Variants in NBAS observed in about 807,000 individuals in gnomAD.
The protein encoded by NBAS is NBAS subunit of NRZ tethering complex, also known as NAG/BC035112 fusion.
A neutral mutation model predicts 302.5 loss-of-function variants in NBAS; 219 were observed. The observed-to-expected ratio is 0.72, with a 90% CI of 0.65 to 0.81. NBAS has a LOEUF of 0.81. NBAS is among the 30% of genes least tolerant of loss of function. The pLI, the probability that NBAS is intolerant of heterozygous loss-of-function variation, is 0.00. For synonymous variants in NBAS, 1,118 were observed against 1,021.6 expected, an observed-to-expected ratio of 1.09 and a Z score of -1.80; for missense variants, 2,932 against 2,841.6, an observed-to-expected ratio of 1.03 and a Z score of -0.72.
chr2:15,168,859 C>T (rs1664156612), intron 51 of NBAS, among the ~76,000 whole-genome samples: 1 of 152,196 alleles, frequency 6.6e-6, no homozygotes, highest in African/African-American at 2.4e-5. Flanking sequence ...GAACTCCTGA[C>T]CTCAGGTGAT....
the NBAS span, among the ~76,000 whole-genome samples, chr2:15,075,161 T>G: frequency 0.4 from 60,367 of 152,060 alleles, 14,944 homozygotes; most frequent in African/African-American, 0.71. Context: ...TAACCTAAAT[T>G]ATTTTTGGTA....
At chr2:14,878,621 T>C in the NBAS span, among the ~76,000 whole-genome samples, 1 of 152,134 alleles carries the variant, frequency 6.6e-6, no homozygotes, top group Admixed American at 6.6e-5. Context: ...TACTCACTGT[T>C]TTTATTTTAT....
chr2:15,403,864 CGTGTGTGTGTGTGTGTGT>C (rs10624311), intron 25 of NBAS, among the ~76,000 whole-genome samples: 2 of 135,412 alleles, frequency 1.5e-5, no homozygotes, highest in Middle Eastern at 3.5e-3. Context: ...TTCCTTCCTT[CGTGTGTGTGTGTGTGTGT>C]GTGTGTGTGT....
chr2:15,177,221 A>G (rs1299982645), intron 51 of NBAS, among the ~76,000 whole-genome samples: 1 of 152,222 alleles, frequency 6.6e-6, no homozygotes, highest in African/African-American at 2.4e-5. Context: ...TTTCAAAACC[A>G]CAGGCTTAGC....
intron 21 of NBAS, among the ~76,000 whole-genome samples, chr2:15,454,113 CAG>C (rs1445321212): frequency 6.6e-6 from 1 of 152,144 alleles, no homozygotes; most frequent in Non-Finnish European, 1.5e-5. Context: ...GAAGAATCAA[CAG>C]AGATTCCATC....
the NBAS span, among the ~76,000 whole-genome samples, chr2:14,923,129 G>A: frequency 6.6e-6 from 1 of 152,182 alleles, no homozygotes; most frequent in African/African-American, 2.4e-5. Flanking sequence ...TCTAGTCTGG[G>A]TGACAGAGCG....
chr2:15,331,861 A>G (rs770626501), intron 35 of NBAS, among the ~76,000 whole-genome samples: 7 of 152,216 alleles, frequency 4.6e-5, no homozygotes, highest in South Asian at 2.1e-4. Flanking sequence ...GATTAACAGT[A>G]CAGACCTCGA....
Position 15,304,613 on chromosome 2 carries a change from T to C in NBAS, c.4797+3603A>G, listed in dbSNP as rs563972929. On this transcript the variant is annotated intron_variant, in intron 40 of 51. Transcript: ENST00000281513. ...TGAATGACTTTGACCAAAATGCTGA[T>C]AGTGATACGGACAATGAAGTCCAGG... Among the ~76,000 whole-genome samples, 17 of 152,298 alleles carry C rather than the reference T, an allele frequency of 1.1e-4. No individual in the cohort carries two copies. In the East Asian group the frequency reaches 3.3e-3, roughly 29 times the overall value.
the NBAS span, among the ~76,000 whole-genome samples, chr2:15,149,250 TCTTGCCCTTCCG>T: frequency 6.6e-6 from 1 of 152,214 alleles, no homozygotes; most frequent in East Asian, 1.9e-4. Flanking sequence ...CCATATGCCC[TCTTGCCCTTCCG>T]CTTTCCACCA....
the NBAS span, among the ~76,000 whole-genome samples, chr2:14,811,057 G>A: frequency 6.6e-6 from 1 of 152,092 alleles, no homozygotes; most frequent in Non-Finnish European, 1.5e-5. Context: ...GACTTATCTG[G>A]GAAATGTACC....
chr2:15,283,043 C>G (rs573402503), intron 42 of NBAS, among the ~76,000 whole-genome samples: 1 of 152,222 alleles, frequency 6.6e-6, no homozygotes, highest in Admixed American at 6.5e-5. Flanking sequence ...TTGTGGGCGT[C>G]AGGGTGACGG....
chr2:15,409,876 A>G (rs1676598266), intron 25 of NBAS, among the ~76,000 whole-genome samples: 1 of 152,222 alleles, frequency 6.6e-6, no homozygotes, highest in South Asian at 2.1e-4. Context: ...GATTAAAGTG[A>G]GTCCTTCAGA....
chr2:15,307,274 T>C (rs1185750153), intron 40 of NBAS, among the ~76,000 whole-genome samples: 1 of 152,128 alleles, frequency 6.6e-6, no homozygotes, highest in Admixed American at 6.6e-5. Context: ...ATTATCTGAG[T>C]TTGGAAAGAG....
chr2:14,876,682 G>C, the NBAS span, among the ~76,000 whole-genome samples: 1,344 of 152,330 alleles, frequency 8.8e-3, 9 homozygotes, highest in Non-Finnish European at 0.013. Context: ...ATTATTTTTG[G>C]TTGGGGAAGC....
At chr2:15,528,110 C>A (rs907851287) in intron 9 of NBAS, among the ~76,000 whole-genome samples, 1 of 152,054 alleles carries the variant, frequency 6.6e-6, no homozygotes, top group African/African-American at 2.4e-5. Flanking sequence ...ACACCACTTA[C>A]AATTTCCCAA....
intron 51 of NBAS, among the ~76,000 whole-genome samples, chr2:15,170,292 C>G (rs1664233781): frequency 6.6e-6 from 1 of 152,206 alleles, no homozygotes; most frequent in Admixed American, 6.5e-5. Flanking sequence ...TGGATATACC[C>G]AGCTTTTCAG....
the NBAS span, among the ~76,000 whole-genome samples, chr2:14,936,849 G>T: frequency 1.3e-5 from 2 of 152,188 alleles, no homozygotes; most frequent in African/African-American, 4.8e-5. Context: ...ACTTTAACCT[G>T]TCTCCAAGAA....
At chr2:14,785,241 G>C in the NBAS span, among the ~76,000 whole-genome samples, 1 of 151,730 alleles carries the variant, frequency 6.6e-6, no homozygotes, top group East Asian at 1.9e-4. Context: ...GGTTTTTCTA[G>C]ATATACGATC....
At chr2:14,978,925 C>T in the NBAS span, among the ~76,000 whole-genome samples, 1 of 152,146 alleles carries the variant, frequency 6.6e-6, no homozygotes, top group African/African-American at 2.4e-5. Flanking sequence ...TCTCAAGGTG[C>T]TGAGGGGGTA....
Sources: gnomAD v4.1 joint callset for allele counts (sites outside exome capture counted in the v4.1 genomes callset) on GRCh38, gnomAD v4.1.1 for gene constraint, MANE v1.5 for transcripts, NCBI Gene and HGNC (gene_info 2026-07-23, HGNC 2026-07-21) for gene names.